The following MYO5B variants were observed in gnomAD, a reference collection of about 807,000 sequenced individuals.
MYO5B encodes unconventional myosin-Vb.
MYO5B carries 143 observed loss-of-function variants against 229.3 expected under a neutral mutation model. The observed-to-expected ratio is 0.62, with a 90% CI of 0.54 to 0.72. The LOEUF (loss-of-function observed/expected upper bound fraction) is 0.72. Ranked by LOEUF, MYO5B falls within the 30% of genes least tolerant of loss-of-function variation. MYO5B has a pLI of 0.00. For missense variants in MYO5B, 2,321 were observed against 2,331.0 expected, an observed-to-expected ratio of 1.00 and a Z score of 0.09; for synonymous variants, 918 against 885.2, an observed-to-expected ratio of 1.04 and a Z score of -0.66.
intron 17 of MYO5B, among the ~76,000 whole-genome samples, chr18:49,928,318 A>G (rs115624709): frequency 0.011 from 1,725 of 152,340 alleles, 36 homozygotes; most frequent in African/African-American, 0.04. Context: ...TATGGAAAAC[A>G]GTGTGGATAT....
chr18:49,896,507 A>C (rs2024780966), intron 21 of MYO5B, among the ~76,000 whole-genome samples: 1 of 152,184 alleles, frequency 6.6e-6, no homozygotes, highest in African/African-American at 2.4e-5. Flanking sequence ...ATGCTGGAGT[A>C]GCCACCCTCT....
At chr18:50,138,270 T>C (rs1273102464) in intron 1 of MYO5B, among the ~76,000 whole-genome samples, 2 of 152,226 alleles carry the variant, frequency 1.3e-5, no homozygotes, top group African/African-American at 2.4e-5. Context: ...TTAAATGGAA[T>C]GTTTTCTCTA....
At chr18:50,046,789 T>C (rs1229477628) in intron 2 of MYO5B, among the ~76,000 whole-genome samples, 1 of 152,080 alleles carries the variant, frequency 6.6e-6, no homozygotes, top group African/African-American at 2.4e-5. Flanking sequence ...ACGCCGCATA[T>C]CTACAACTAT....
chr18:50,166,570 T>G (rs1381077755), intron 1 of MYO5B, among the ~76,000 whole-genome samples: 1 of 152,220 alleles, frequency 6.6e-6, no homozygotes, highest in African/African-American at 2.4e-5. Context: ...CTGGGACTTT[T>G]TCATTTTAAA....
chr18:49,846,235 C>T (rs974317117), intron 33 of MYO5B, among the ~76,000 whole-genome samples: 2 of 152,194 alleles, frequency 1.3e-5, no homozygotes, highest in Non-Finnish European at 2.9e-5. Context: ...CAGCATTCCT[C>T]ACTTTAATGA....
At chr18:49,969,415 T>G (rs1396504468) in intron 10 of MYO5B, among the ~76,000 whole-genome samples, 1 of 152,216 alleles carries the variant, frequency 6.6e-6, no homozygotes, top group Non-Finnish European at 1.5e-5. Flanking sequence ...GTAGTCAACC[T>G]ACAGAACGTG....
chr18:49,825,032 G>A lies in MYO5B; in HGVS notation c.*1439C>T, dbSNP rs2023824897. ...AAGTTGGGTGGTTGAGTAAAAGAGG[G>A]TGAAGGCAGGCTGTTCTACTTCCAA... On this transcript the variant is annotated 3_prime_UTR_variant, in exon 40 of 40. Coordinates refer to ENST00000285039, the MANE Select transcript of MYO5B (RefSeq NM_001080467.3). 6.6e-6 allele frequency: 1 copy of A among 152,240 alleles called. No individual in the cohort carries two copies. The highest frequency in any genetic ancestry group is 6.5e-5 in the Admixed American group (1 of 15,284). The allele number at this position is 152,240 out of a possible 1,614,324, so 9.4% of individuals were successfully genotyped here.
chr18:49,829,960 C>A (rs2023894038), intron 39 of MYO5B, among the ~76,000 whole-genome samples: 1 of 152,150 alleles, frequency 6.6e-6, no homozygotes, highest in Non-Finnish European at 1.5e-5. Context: ...TTTAACATCA[C>A]AAATATCACA....
chr18:50,124,569 G>T (rs2144536820), intron 1 of MYO5B, among the ~76,000 whole-genome samples: 1 of 152,256 alleles, frequency 6.6e-6, no homozygotes, highest in Middle Eastern at 3.4e-3. Flanking sequence ...AACTTTTGAA[G>T]AATAATACCC....
Position 49,841,441 on chromosome 18 carries a change from T to A in MYO5B, c.4625A>T (p.Asp1542Val), listed in dbSNP as rs770349806. ...TAACCAGAATGACGTCATCTCAAAG[T>A]CATCATTGTGCTTCTGTGAAAAGAA... ...IKKVLKKHNDDFEMTSFWLSN... is the reference protein window; with the variant it reads ...IKKVLKKHNDVFEMTSFWLSN... Residue 1542 changes from aspartate (D) to valine (V), a missense_variant, in exon 35 of 40, where the codon GAC becomes GTC. Asp to Val is a radical substitution (Grantham distance 152). This residue lies in a region of MYO5B where 2,113 missense variants were observed against 2,044.7 expected (regional missense o/e 1.03). Transcript: ENST00000285039. The A allele has an allele frequency of 1.2e-6, 2 of 1,614,142 alleles. No individual in the cohort carries two copies.
At chr18:49,988,573 C>T (rs1329955555) in intron 7 of MYO5B, among the ~76,000 whole-genome samples, 1 of 152,150 alleles carries the variant, frequency 6.6e-6, no homozygotes, top group Non-Finnish European at 1.5e-5. Context: ...CTTAGAATTA[C>T]AACTGGGACA....
At chr18:50,047,961 G>C in intron 2 of MYO5B, among the ~76,000 whole-genome samples, 1 of 117,508 alleles carries the variant, frequency 8.5e-6, no homozygotes, top group Admixed American at 9.8e-5. Flanking sequence ...AGGGGGGAGG[G>C]ATAGCATTAG....
chr18:50,032,999 T>A (rs986018735), intron 4 of MYO5B, among the ~76,000 whole-genome samples: 3 of 151,386 alleles, frequency 2.0e-5, no homozygotes, highest in Admixed American at 6.6e-5. Context: ...AAAAAAAAAA[T>A]GTGTTTTCAT....
At chr18:49,865,715 G>A (rs112156435) in intron 27 of MYO5B, among the ~76,000 whole-genome samples, 2 of 152,328 alleles carry the variant, frequency 1.3e-5, no homozygotes, top group Admixed American at 6.5e-5. Flanking sequence ...AACTGAGCTC[G>A]GTGACAGCTG....
Position 49,836,600 on chromosome 18 carries a change from AT to A in MYO5B, c.5313+110del, listed in dbSNP as rs1043957451. The stretch of plus-strand genomic sequence containing the variant: ...TTCAAAATTGTCTCATTAGGGGTAT[AT>A]AAAGGGTGGGAGTGCAACACTAACA... On this transcript the variant is annotated intron_variant, in intron 38 of 39. Transcript: ENST00000285039. 3.1e-6 allele frequency: 4 copies of A among 1,275,280 alleles called. No homozygotes were observed. In the African/African-American group the frequency reaches 5.9e-5, roughly 19 times the overall value. 79.0% of individuals were successfully genotyped at this position (1,275,280 alleles called of 1,614,324 possible).
intron 1 of MYO5B, among the ~76,000 whole-genome samples, chr18:50,094,659 T>G (rs965775611): frequency 3.9e-5 from 6 of 152,138 alleles, no homozygotes; most frequent in Admixed American, 3.9e-4. Context: ...GAGACCAGTG[T>G]TGCTTTTATC....
At chr18:50,107,542 T>G (rs549280393) in intron 1 of MYO5B, among the ~76,000 whole-genome samples, 1 of 152,188 alleles carries the variant, frequency 6.6e-6, no homozygotes, top group South Asian at 2.1e-4. Flanking sequence ...TCCATTACCA[T>G]CCCCTCAATT....
intron 16 of MYO5B, 119 bp downstream of exon 16, chr18:49,936,133 G>T: frequency 7.4e-6 from 6 of 814,640 alleles, no homozygotes; most frequent in South Asian, 1.5e-5. Context: ...TCTGGGGAGT[G>T]TAAGTCCAGG....
At chr18:50,030,203 A>G (rs1281426727) in intron 4 of MYO5B, among the ~76,000 whole-genome samples, 7 of 152,184 alleles carry the variant, frequency 4.6e-5, no homozygotes, top group Non-Finnish European at 7.3e-5. Flanking sequence ...CATCCCCATC[A>G]TTAGGAAGAT....
Sources: allele counts gnomAD v4.1 joint callset (sites outside exome capture counted in the v4.1 genomes callset), GRCh38; gene constraint gnomAD v4.1.1; regional missense constraint gnomAD v4.1.1; transcripts MANE v1.5; gene names NCBI Gene and HGNC (gene_info 2026-07-23, HGNC 2026-07-21).